The following COL4A4 variants were observed in gnomAD, a reference collection of about 807,000 sequenced individuals.
COL4A4 encodes the protein collagen alpha-4(IV) chain.
Under a neutral mutation model 192.9 loss-of-function variants are expected in COL4A4, and 105 were observed. That is an observed-to-expected ratio of 0.54 (90% CI 0.46 to 0.64). The LOEUF is 0.64. Among genes scored for constraint, COL4A4 ranks in the 30% least tolerant of loss-of-function variants. The probability of loss-of-function intolerance (pLI) is 0.00; values close to 1 mark genes in which losing one functional copy is unlikely to be tolerated. For missense variants in COL4A4, 1,967 were observed against 2,169.3 expected, an observed-to-expected ratio of 0.91 and a Z score of 1.85; for synonymous variants, 762 against 769.9, an observed-to-expected ratio of 0.99 and a Z score of 0.17.
At chr2:227,033,955 C>T (rs564325507) in intron 37 of COL4A4, among the ~76,000 whole-genome samples, 11 of 152,216 alleles carry the variant, frequency 7.2e-5, no homozygotes, top group Non-Finnish European at 1.2e-4. Context: ...GACGAGAGGA[C>T]GCATGGCGCC....
intron 20 of COL4A4, 99 bp downstream of exon 20, chr2:227,094,026 A>G: frequency 8.3e-7 from 1 of 1,199,642 alleles, no homozygotes; most frequent in South Asian, 1.4e-5. Flanking sequence ...GAAACATCAT[A>G]TAACTTTTAA....
intron 19 of COL4A4, 102 bp from the exon 20 acceptor site, chr2:227,094,391 T>TCATTCTTGA: frequency 8.1e-7 from 1 of 1,242,016 alleles, no homozygotes; most frequent in Non-Finnish European, 1.1e-6. Flanking sequence ...TATCGAATTT[T>TCATTCTTGA]TTAAAGGGAA....
At chr2:227,150,693 A>G (rs1158790176) in intron 1 of COL4A4, among the ~76,000 whole-genome samples, 1 of 152,200 alleles carries the variant, frequency 6.6e-6, no homozygotes, top group Non-Finnish European at 1.5e-5. Context: ...ACAGGGCAGC[A>G]GGAGACAGAA....
chr2:227,108,763 G>C, intron 11 of COL4A4, 70 bp downstream of exon 11: 2 of 1,540,190 alleles, frequency 1.3e-6, no homozygotes, highest in Non-Finnish European at 1.8e-6. Context: ...CCATCATTCT[G>C]ACAAATATCA....
chr2:226,974,936 G>A, the COL4A4 span, among the ~76,000 whole-genome samples: 78 of 152,322 alleles, frequency 5.1e-4, no homozygotes, highest in African/African-American at 1.8e-3. Flanking sequence ...CTTCCAGGCT[G>A]TGCTCCTGTG....
intron 22 of COL4A4, among the ~76,000 whole-genome samples, chr2:227,084,445 C>T (rs2059480159): frequency 1.3e-5 from 2 of 152,078 alleles, no homozygotes; most frequent in Admixed American, 1.3e-4. Context: ...AAATGTATGA[C>T]GAATTGCTCT....
At chr2:227,055,918 G>A in intron 30 of COL4A4, 27 bp downstream of exon 30, 2 of 1,600,304 alleles carry the variant, frequency 1.2e-6, no homozygotes, top group South Asian at 1.1e-5. Flanking sequence ...TAAGATGGGA[G>A]GACATCATGG....
intron 3 of COL4A4, among the ~76,000 whole-genome samples, chr2:227,142,597 TA>T (rs2125324481): frequency 6.6e-6 from 1 of 151,644 alleles, no homozygotes; most frequent in Non-Finnish European, 1.5e-5. Flanking sequence ...CTACTAAAAA[TA>T]ACAAAAAAAT....
chr2:227,023,890 C>G (rs1966502800), intron 43 of COL4A4, among the ~76,000 whole-genome samples: 1 of 151,972 alleles, frequency 6.6e-6, no homozygotes. Flanking sequence ...TGCACAGTCC[C>G]AGCTACTCAG....
rs979633709 is a variant in COL4A4 at position 227,089,751 on chromosome 2, G to A, written c.1459+117C>T. 5 of 816,496 alleles carry A rather than the reference G, an allele frequency of 6.1e-6. No homozygotes were observed. The African/African-American group carries it at 8.4e-5, about 14-fold the overall frequency. 50.6% of individuals were successfully genotyped at this position (816,496 alleles called of 1,614,324 possible). Reference sequence around the variant, plus strand: ...ATAGCACTTAATGGAGTACTCTAGTGGGTGACTAAGGTGAGTAACAAATCT... The same window carrying A: ...ATAGCACTTAATGGAGTACTCTAGTAGGTGACTAAGGTGAGTAACAAATCT... On this transcript the variant is annotated intron_variant, in intron 21 of 47. Transcript: ENST00000396625.
Position 227,114,609 on chromosome 2 carries a change from T to C in COL4A4, c.558+19A>G. 1.2e-6 allele frequency: 2 copies of C among 1,609,082 alleles called. No homozygotes were observed. The highest frequency in any genetic ancestry group is 1.7e-6 in the Non-Finnish European group (2 of 1,175,442). ...TTGGAAGAAAAAATTTTTTAACCCA[T>C]CATGATCATAATACTTACCTGAATA... On this transcript the variant is annotated intron_variant, in intron 8 of 47. Coordinates refer to ENST00000396625, the MANE Select transcript of COL4A4 (RefSeq NM_000092.5).
intron 25 of COL4A4, among the ~76,000 whole-genome samples, chr2:227,065,702 A>T (rs1381771718): frequency 6.6e-6 from 1 of 152,242 alleles, no homozygotes; most frequent in African/African-American, 2.4e-5. Context: ...CAGAAAGGAC[A>T]TCTACACCAA....
At chr2:226,994,365 G>A in the COL4A4 span, among the ~76,000 whole-genome samples, 4 of 152,142 alleles carry the variant, frequency 2.6e-5, no homozygotes, top group Middle Eastern at 3.4e-3. Flanking sequence ...GGCAGGATGT[G>A]GTGATGATTG....
rs142958995 is a variant in COL4A4, at chr2:227,012,091, A to C, written c.4333+90T>G. On this transcript the variant is annotated intron_variant, in intron 45 of 47. Coordinates refer to ENST00000396625, the MANE Select transcript of COL4A4 (RefSeq NM_000092.5). ...AAGGCAAATGATCTGAATAGGATCC[A>C]GTTTGGAAAGCCACTTGAGAGATCA... 8.5e-3 allele frequency: 8,668 copies of C among 1,022,954 alleles called. 56 individuals are homozygous for C. Among genetic ancestry groups the C allele is most frequent in the Non-Finnish European group, 0.012 (7,568 of 642,852 alleles). 63.4% of individuals were successfully genotyped at this position (1,022,954 alleles called of 1,614,324 possible).
intron 25 of COL4A4, among the ~76,000 whole-genome samples, chr2:227,069,051 C>G (rs1576295486): frequency 1.5e-5 from 2 of 134,932 alleles, no homozygotes; most frequent in South Asian, 5.2e-4. Context: ...ACAAAAATCA[C>G]AAGCATTCTT....
chr2:227,032,575 A>G (rs546247159), intron 38 of COL4A4, among the ~76,000 whole-genome samples: 2 of 152,380 alleles, frequency 1.3e-5, no homozygotes, highest in East Asian at 3.9e-4. Context: ...ATGAGATACA[A>G]TAAGTAATTA....
chr2:227,148,545 A>G (rs922232050), intron 1 of COL4A4, among the ~76,000 whole-genome samples: 2 of 152,214 alleles, frequency 1.3e-5, no homozygotes, highest in African/African-American at 2.4e-5. Context: ...TTATGGCTGC[A>G]CAACATTATG....
the COL4A4 span, among the ~76,000 whole-genome samples, chr2:226,979,465 C>G: frequency 6.6e-6 from 1 of 152,294 alleles, no homozygotes; most frequent in African/African-American, 2.4e-5. Context: ...CTGCAAATGG[C>G]TGGAACTTCC....
intron 2 of COL4A4, among the ~76,000 whole-genome samples, chr2:227,146,310 C>A (rs2063545227): frequency 6.6e-6 from 1 of 151,670 alleles, no homozygotes; most frequent in Non-Finnish European, 1.5e-5. Context: ...AAAAAAAAAT[C>A]CACAATTAAG....
Sources: allele counts gnomAD v4.1 joint callset (sites outside exome capture counted in the v4.1 genomes callset), GRCh38; gene constraint gnomAD v4.1.1; transcripts MANE v1.5; gene names NCBI Gene and HGNC (gene_info 2026-07-23, HGNC 2026-07-21).